Variants in EXOC6B observed in about 807,000 individuals in gnomAD.
EXOC6B encodes SEC15 homolog B.
In EXOC6B, 54 loss-of-function variants were observed where a neutral mutation model predicts 113.5. The ratio of observed to expected loss-of-function variants is 0.48; its 90% confidence interval spans 0.38 to 0.60. The LOEUF is 0.60. Among genes scored for constraint, EXOC6B ranks in the 20% least tolerant of loss-of-function variants. The probability of loss-of-function intolerance (pLI) is 0.00; values close to 1 mark genes in which losing one functional copy is unlikely to be tolerated. For missense variants in EXOC6B, 797 were observed against 977.5 expected (o/e 0.82, Z 2.46); for synonymous variants, 357 against 339.0 (o/e 1.05, Z -0.58).
chr2:72,438,657 T>C (rs888657924), intron 18 of EXOC6B, among the ~76,000 whole-genome samples: 8 of 152,188 alleles, frequency 5.3e-5, no homozygotes, highest in African/African-American at 1.9e-4. Context: ...AACATTCATA[T>C]AGACCAGTAT....
Position 72,823,464 on chromosome 2 carries a change from A to C in EXOC6B, c.113+2334T>G, listed in dbSNP as rs868320168. Among the ~76,000 whole-genome samples the C allele has an allele frequency of 1.4e-4, 18 of 131,514 alleles. 1 individual carries two copies. Among genetic ancestry groups the C allele is most frequent in the African/African-American group, 6.0e-4 (18 of 30,136 alleles). The allele number at this position is 131,514 out of a possible 152,430, so 86.3% of individuals were successfully genotyped here. ...TTCTCAAATCAAAGTTTTAAGAAAAAAAAAAAAAAAAAAACAAAAAACAAA... is the reference window on the plus strand; with the variant it reads ...TTCTCAAATCAAAGTTTTAAGAAAACAAAAAAAAAAAAAACAAAAAACAAA... On this transcript the variant is annotated intron_variant, in intron 1 of 21. Coordinates refer to ENST00000272427, the MANE Select transcript of EXOC6B (RefSeq NM_015189.3).
chr2:72,559,632 TGTAA>T, intron 7 of EXOC6B, 111 bp from the exon 8 acceptor site: 1 of 732,860 alleles, frequency 1.4e-6, no homozygotes. Context: ...AGTTCTAGCT[TGTAA>T]GTGAGAAATA....
At chr2:72,346,648 C>T (rs571056955) in intron 19 of EXOC6B, among the ~76,000 whole-genome samples, 158 of 152,168 alleles carry the variant, frequency 1.0e-3, no homozygotes, top group African/African-American at 3.7e-3. Context: ...TGAAGTACTG[C>T]TTTTTATCTA....
At chr2:72,288,126 A>G (rs954791322) in intron 20 of EXOC6B, among the ~76,000 whole-genome samples, 4 of 152,210 alleles carry the variant, frequency 2.6e-5, no homozygotes, top group Non-Finnish European at 4.4e-5. Flanking sequence ...TAAACTTACA[A>G]TGAGATACCA....
At chr2:72,805,330 C>T (rs994462958) in intron 1 of EXOC6B, among the ~76,000 whole-genome samples, 3 of 152,030 alleles carry the variant, frequency 2.0e-5, no homozygotes, top group Non-Finnish European at 4.4e-5. Flanking sequence ...TCATGTTGTC[C>T]AAAGCATGAA....
At chr2:72,800,107 C>A (rs1685197542) in intron 1 of EXOC6B, among the ~76,000 whole-genome samples, 1 of 151,332 alleles carries the variant, frequency 6.6e-6, no homozygotes, top group African/African-American at 2.4e-5. Flanking sequence ...GCCAATATAC[C>A]AAATGTGAAC....
At chr2:72,763,027 CAAACA>C (rs755279323) in intron 1 of EXOC6B, among the ~76,000 whole-genome samples, 3 of 150,870 alleles carry the variant, frequency 2.0e-5, no homozygotes, top group Non-Finnish European at 4.4e-5. Context: ...CCACTAAAAA[CAAACA>C]AAACAAAACA....
chr2:72,803,194 T>C (rs886940804), intron 1 of EXOC6B, among the ~76,000 whole-genome samples: 3 of 151,856 alleles, frequency 2.0e-5, no homozygotes, highest in African/African-American at 4.8e-5. Flanking sequence ...CTAATACTGA[T>C]GCAAAAAGAA....
At chr2:72,613,630 T>C (rs1387745668) in intron 6 of EXOC6B, among the ~76,000 whole-genome samples, 1 of 151,570 alleles carries the variant, frequency 6.6e-6, no homozygotes, top group African/African-American at 2.4e-5. Flanking sequence ...TATCAAATGA[T>C]AAAACAGATT....
intron 19 of EXOC6B, among the ~76,000 whole-genome samples, chr2:72,341,694 G>C (rs939445136): frequency 1.3e-5 from 2 of 152,002 alleles, no homozygotes; most frequent in Non-Finnish European, 2.9e-5. Context: ...CATCCAGACA[G>C]AAAAGCAATA....
rs1350177482 is a variant in EXOC6B, at chr2:72,558,068, TG to T, written c.915+1384del. Among the ~76,000 whole-genome samples the T allele has an allele frequency of 1.3e-5, 2 of 152,024 alleles. 1 individual carries two copies. Among genetic ancestry groups the T allele is most frequent in the Non-Finnish European group, 2.9e-5 (2 of 68,020 alleles). On this transcript the variant is annotated intron_variant, in intron 8 of 21. Transcript: ENST00000272427. The stretch of plus-strand genomic sequence containing the variant: ...AAAAAAAGAATGTCTTCTGAGAAAT[TG>T]CTGCTACTGCAATATTAAATTCAAT...
chr2:72,465,448 TG>T, intron 17 of EXOC6B, 109 bp from the exon 18 acceptor site: 1 of 783,600 alleles, frequency 1.3e-6, no homozygotes, highest in Non-Finnish European at 2.0e-6. Context: ...GGAATATAAC[TG>T]GGAATACTGA....
chr2:72,430,815 C>A (rs894514262), intron 18 of EXOC6B, among the ~76,000 whole-genome samples: 7 of 152,212 alleles, frequency 4.6e-5, no homozygotes, highest in Non-Finnish European at 8.8e-5. Context: ...CTAAATGTCA[C>A]TATTTTGGTT....
intron 8 of EXOC6B, among the ~76,000 whole-genome samples, chr2:72,542,996 A>G (rs1302219562): frequency 6.6e-6 from 1 of 152,226 alleles, no homozygotes; most frequent in Non-Finnish European, 1.5e-5. Context: ...AAGGTTGTAA[A>G]TAAAAATCCA....
At chr2:72,739,195 TA>T (rs1681150496) in intron 2 of EXOC6B, among the ~76,000 whole-genome samples, 1 of 152,182 alleles carries the variant, frequency 6.6e-6, no homozygotes, top group South Asian at 2.1e-4. Flanking sequence ...TTTTACCTAT[TA>T]AAAGAAAACA....
intron 8 of EXOC6B, among the ~76,000 whole-genome samples, chr2:72,554,369 T>A (rs1282101989): frequency 4.6e-5 from 7 of 152,214 alleles, no homozygotes; most frequent in Non-Finnish European, 8.8e-5. Flanking sequence ...TTTGGCTCTG[T>A]GTCCCCAACC....
At chr2:72,693,146 C>T (rs866120911) in intron 6 of EXOC6B, among the ~76,000 whole-genome samples, 4 of 152,106 alleles carry the variant, frequency 2.6e-5, no homozygotes, top group Non-Finnish European at 5.9e-5. Flanking sequence ...ATATTCCCTG[C>T]CCCCACATCC....
rs902976967 is a variant in EXOC6B, at chr2:72,825,059, T to C, written c.113+739A>G. Among the ~76,000 whole-genome samples, 21 of 152,230 alleles carry C rather than the reference T, an allele frequency of 1.4e-4. No individual in the cohort carries two copies. Among genetic ancestry groups the C allele is most frequent in the African/African-American group, 4.1e-4 (17 of 41,460 alleles). ...TCACTTTATACAACGTCTTGGACTT[T>C]ATGTAACAAGTGCTACCTAAATTTG... On this transcript the variant is annotated intron_variant, in intron 1 of 21. Coordinates refer to ENST00000272427, the MANE Select transcript of EXOC6B (RefSeq NM_015189.3). This position sits in a 1 kb window ranked among gnomAD's most constrained non-coding sequence, Gnocchi z 4.4.
intron 18 of EXOC6B, among the ~76,000 whole-genome samples, chr2:72,460,521 A>G (rs1697558629): frequency 6.6e-6 from 1 of 151,994 alleles, no homozygotes; most frequent in African/African-American, 2.4e-5. Context: ...GAAAAAAACA[A>G]ACAACCCCAT....
Sources: allele counts gnomAD v4.1 joint callset (sites outside exome capture counted in the v4.1 genomes callset), GRCh38; gene constraint gnomAD v4.1.1; non-coding constraint Gnocchi (gnomAD v3.1); transcripts MANE v1.5; gene names NCBI Gene and HGNC (gene_info 2026-07-23, HGNC 2026-07-21).